The following RB1 variants were observed in gnomAD, a reference collection of about 807,000 sequenced individuals.
The protein encoded by RB1 is RB transcriptional corepressor 1.
RB1 carries 18 observed loss-of-function variants against 135.4 expected under a neutral mutation model. That is an observed-to-expected ratio of 0.13 (90% CI 0.09 to 0.20). The LOEUF (loss-of-function observed/expected upper bound fraction) is 0.20, where lower values mean the gene tolerates loss of function less well. RB1 is among the 10% of genes least tolerant of loss of function. The pLI, the probability that RB1 is intolerant of heterozygous loss-of-function variation, is 1.00. For synonymous variants in RB1, 365 were observed against 373.2 expected, an observed-to-expected ratio of 0.98 and a Z score of 0.25; for missense variants, 868 against 1,110.0, an observed-to-expected ratio of 0.78 and a Z score of 3.10.
rs577712214 is a variant in RB1 at position 48,434,297 on chromosome 13, A to T, written c.1696-18696A>T. On this transcript the variant is annotated intron_variant, in intron 17 of 26. Transcript: ENST00000267163. ...ATCTCTCTCCATTTAATAAATAAAT[A>T]AATAAAATTATTCTTCAGTGAATCT... is the stretch of plus-strand genomic sequence containing the variant. 3.5e-4 allele frequency among the ~76,000 whole-genome samples: 53 copies of T among 152,192 alleles called. 3 individuals carry two copies. The South Asian group carries it at 0.01, about 29-fold the overall frequency.
chr13:48,415,954 A>T (rs1013529870), intron 17 of RB1: 15 of 152,256 alleles, frequency 9.9e-5, no homozygotes, highest in Admixed American at 5.9e-4. Context: ...AACTACTTGC[A>T]AAGGGAGGTA....
At chr13:48,331,770 T>G (rs1323594460) in intron 2 of RB1, among the ~76,000 whole-genome samples, 1 of 152,192 alleles carries the variant, frequency 6.6e-6, no homozygotes, top group East Asian at 1.9e-4. Context: ...ATGAAGTCAG[T>G]ATGTTGAAGA....
Position 48,308,373 on chromosome 13 carries a change from G to T in RB1, c.264+967G>T, listed in dbSNP as rs777935837. The stretch of plus-strand genomic sequence containing the variant: ...GCAAAAAAAAATAAATAAAAATAAG[G>T]CTGGGCGTGGTGGCTCAAACCTGTA... On this transcript the variant is annotated intron_variant, in intron 2 of 26. Coordinates refer to ENST00000267163, the MANE Select transcript of RB1 (RefSeq NM_000321.3). 1.2e-4 allele frequency among the ~76,000 whole-genome samples: 18 copies of T among 151,802 alleles called. 1 individual carries two copies. Among genetic ancestry groups the T allele is most frequent in the Non-Finnish European group, 2.5e-4 (17 of 67,946 alleles).
chr13:48,317,188 T>A (rs1952191914), intron 2 of RB1: 1 of 559,096 alleles, frequency 1.8e-6, no homozygotes, highest in Admixed American at 4.1e-5. Context: ...GGCAGCCCCA[T>A]GTCGGGCTGA....
intron 17 of RB1, among the ~76,000 whole-genome samples, chr13:48,438,131 G>A (rs2138298010): frequency 6.6e-6 from 1 of 152,242 alleles, no homozygotes; most frequent in South Asian, 2.1e-4. Context: ...CCTTCAGCGA[G>A]TTTATATTTT....
intron 17 of RB1, chr13:48,424,261 C>T (rs1295359773): frequency 1.3e-5 from 2 of 152,110 alleles, no homozygotes; most frequent in African/African-American, 4.8e-5. Flanking sequence ...ACTAGTATTA[C>T]CATAAGTCTA....
chr13:48,328,469 G>C (rs911050445), intron 2 of RB1: 6 of 916,380 alleles, frequency 6.5e-6, no homozygotes, highest in Admixed American at 1.7e-5. Context: ...TCGCTTCTCA[G>C]CGCTGCGGCT....
At chr13:48,328,060 C>A in intron 2 of RB1, 1 of 791,284 alleles carries the variant, frequency 1.3e-6, no homozygotes, top group South Asian at 1.5e-5. Flanking sequence ...CCACCCACAC[C>A]CCAATTTCAA....
chr13:48,449,168 C>T (rs921844829), intron 17 of RB1, among the ~76,000 whole-genome samples: 3 of 151,022 alleles, frequency 2.0e-5, no homozygotes, highest in African/African-American at 4.9e-5. Context: ...TCTCCCAGAT[C>T]GCCTTTTTGT....
rs1239088692 is a variant in RB1 at position 48,373,454 on chromosome 13, A to C, written c.1177A>C (p.Ser393Arg). 6.3e-7 allele frequency: 1 copy of C among 1,596,896 alleles called. No homozygotes were observed. The highest frequency in any genetic ancestry group is 8.6e-7 in the Non-Finnish European group (1 of 1,164,654). ...ATTAATGATGATTTTAAATTCAGCA[A>C]GTGATCAACCTTCAGAAAATCTGAT... Reference protein sequence around the residue: ...QQLMMILNSASDQPSENLISY... With the variant: ...QQLMMILNSARDQPSENLISY... The change falls in exon 12 of 27, where the codon AGT (serine) becomes CGT (arginine). Residue 393 changes from serine to arginine, a missense_variant. Physicochemically the swap from Ser to Arg is moderately radical, Grantham distance 110 (BLOSUM62 -1). Transcript: ENST00000267163.
At chr13:48,477,851 C>T (rs1431160570) in intron 26 of RB1, among the ~76,000 whole-genome samples, 2 of 152,066 alleles carry the variant, frequency 1.3e-5, no homozygotes, top group Non-Finnish European at 2.9e-5. Context: ...CAATTTCAAA[C>T]AAAAGTTTCC....
intron 6 of RB1, among the ~76,000 whole-genome samples, chr13:48,354,703 T>TACTGGCA (rs1952575375): frequency 6.6e-6 from 1 of 152,080 alleles, no homozygotes. Flanking sequence ...AACAGCATGG[T>TACTGGCA]ACTGGCATAA....
Position 48,464,268 on chromosome 13 carries a change from T to C in RB1, c.2211+433T>C, listed in dbSNP as rs1369454547. On this transcript the variant is annotated intron_variant, in intron 21 of 26. Transcript: ENST00000267163. ...TACCTTCCCTTTAGAGAAATAGTAG[T>C]AGTAAAATATACTTGGTATGACACA... Among the ~76,000 whole-genome samples the C allele has an allele frequency of 2.0e-5, 3 of 152,222 alleles. No homozygotes were observed. The East Asian group carries it at 5.8e-4, about 29-fold the overall frequency.
Position 48,377,496 on chromosome 13 carries a change from T to C in RB1, c.1332+462T>C, listed in dbSNP as rs531504598. ...GTGACAGCCCTGGGTTTATATTTGG[T>C]TCTACCATTGTTGATCTTGGACATG... On this transcript the variant is annotated intron_variant, in intron 13 of 26. Transcript: ENST00000267163. 2.6e-5 allele frequency among the ~76,000 whole-genome samples: 4 copies of C among 152,286 alleles called. 1 individual carries two copies. Among genetic ancestry groups the C allele is most frequent in the African/African-American group, 9.6e-5 (4 of 41,568 alleles).
intron 11 of RB1, among the ~76,000 whole-genome samples, chr13:48,369,849 C>A (rs986063156): frequency 1.3e-5 from 2 of 151,940 alleles, no homozygotes; most frequent in Non-Finnish European, 2.9e-5. Context: ...AGCATGTATC[C>A]CAATTTATAT....
At chr13:48,320,746 G>A (rs1357316764) in intron 2 of RB1, among the ~76,000 whole-genome samples, 2 of 151,944 alleles carry the variant, frequency 1.3e-5, no homozygotes, top group African/African-American at 2.4e-5. Context: ...CCAGGGAATC[G>A]CTTGAAGCCG....
intron 17 of RB1, among the ~76,000 whole-genome samples, chr13:48,402,873 A>G (rs763528010): frequency 6.6e-6 from 1 of 152,156 alleles, no homozygotes; most frequent in Non-Finnish European, 1.5e-5. Flanking sequence ...AAAATTACCT[A>G]TATGACATAT....
rs752334972 is a variant in RB1 at position 48,381,253 on chromosome 13, C to T, written c.1505C>T (p.Thr502Ile). 5.0e-6 allele frequency: 8 copies of T among 1,604,718 alleles called. No individual in the cohort carries two copies. Among genetic ancestry groups the T allele is most frequent in the Middle Eastern group, 1.8e-4 (1 of 5,642 alleles). Residue 502 changes from threonine (T) to isoleucine (I), a missense_variant, in exon 17 of 27, where the codon ACA (threonine) becomes ATA (isoleucine). By Grantham distance (89) the Thr-to-Ile change is moderately conservative. Transcript: ENST00000267163. ...TTTTTTTTTTCATTTTTAGGAAGTACATCTCAGAATCTTGATTCTGGAACA... is the reference window on the plus strand; with the variant it reads ...TTTTTTTTTTCATTTTTAGGAAGTATATCTCAGAATCTTGATTCTGGAACA... ...EVVMATYSRS[T>I]SQNLDSGTDL...
At chr13:48,471,584 A>AAAAAAG in intron 23 of RB1, among the ~76,000 whole-genome samples, 1 of 150,484 alleles carries the variant, frequency 6.6e-6, no homozygotes, top group Non-Finnish European at 1.5e-5. Context: ...AAAAAAAAAA[A>AAAAAAG]AAAGAAAATC....
Sources: gnomAD v4.1 joint callset for allele counts (sites outside exome capture counted in the v4.1 genomes callset) on GRCh38, gnomAD v4.1.1 for gene constraint, MANE v1.5 for transcripts, NCBI Gene and HGNC (gene_info 2026-07-23, HGNC 2026-07-21) for gene names.